Variants in TMEM108 observed in about 807,000 individuals in gnomAD.
TMEM108 encodes cancer/testis antigen 124.
Under a neutral mutation model 35.1 loss-of-function variants are expected in TMEM108, and 12 were observed. That is an observed-to-expected ratio of 0.34 (90% CI 0.22 to 0.55). TMEM108 has a LOEUF of 0.55. TMEM108 is among the 20% of genes least tolerant of loss of function. The pLI, the probability that TMEM108 is intolerant of heterozygous loss-of-function variation, is 0.89. For missense variants in TMEM108, 680 were observed against 753.3 expected (o/e 0.90, Z 1.14); for synonymous variants, 287 against 308.6 (o/e 0.93, Z 0.73).
intron 3 of TMEM108, among the ~76,000 whole-genome samples, chr3:133,320,010 G>A: frequency 6.6e-6 from 1 of 152,196 alleles, no homozygotes; most frequent in Non-Finnish European, 1.5e-5. Flanking sequence ...GCTCATGCCT[G>A]TAATCCCAGC....
intron 2 of TMEM108, among the ~76,000 whole-genome samples, chr3:133,192,469 G>A (rs1945512852): frequency 6.6e-6 from 1 of 152,150 alleles, no homozygotes; most frequent in African/African-American, 2.4e-5. Context: ...AGAAAAGAGT[G>A]TGGAGCCTAG....
intron 2 of TMEM108, among the ~76,000 whole-genome samples, chr3:133,199,046 A>G (rs193109921): frequency 1.9e-4 from 29 of 152,252 alleles, no homozygotes; most frequent in Admixed American, 1.1e-3. Flanking sequence ...TTGATCTTCA[A>G]TCACTGATAC....
chr3:133,174,237 CT>C (rs1447621609), intron 2 of TMEM108, among the ~76,000 whole-genome samples: 2 of 152,260 alleles, frequency 1.3e-5, no homozygotes, highest in African/African-American at 4.8e-5. Context: ...CCTCTGTAGA[CT>C]CCACGTCTGG....
intron 4 of TMEM108, 30 bp downstream of exon 4, chr3:133,381,191 T>C: frequency 6.4e-7 from 1 of 1,550,868 alleles, no homozygotes; most frequent in Non-Finnish European, 8.8e-7. Flanking sequence ...ACCCATCCTC[T>C]CCCTCTACCA....
At chr3:133,093,280 C>T (rs756527426) in intron 2 of TMEM108, among the ~76,000 whole-genome samples, 9 of 152,144 alleles carry the variant, frequency 5.9e-5, no homozygotes, top group East Asian at 5.8e-4. Context: ...CGTGAGCCAC[C>T]GCGCCCGGTC....
chr3:133,299,324 T>C (rs1262172650), intron 3 of TMEM108, among the ~76,000 whole-genome samples: 2 of 152,192 alleles, frequency 1.3e-5, no homozygotes, highest in Non-Finnish European at 2.9e-5. Context: ...GAGCTTAGTC[T>C]TTCTCCTTCA....
At chr3:133,106,824 A>G (rs1343683383) in intron 2 of TMEM108, among the ~76,000 whole-genome samples, 3 of 152,174 alleles carry the variant, frequency 2.0e-5, no homozygotes, top group Admixed American at 2.0e-4. Context: ...CAACAACATG[A>G]CTATACCTTC....
intron 3 of TMEM108, among the ~76,000 whole-genome samples, chr3:133,238,696 C>T (rs1314295995): frequency 1.3e-5 from 2 of 152,118 alleles, no homozygotes; most frequent in Admixed American, 6.5e-5. Context: ...GAAGCTGGCT[C>T]ATGTATTTTG....
At chr3:133,111,102 C>T (rs1380186784) in intron 2 of TMEM108, among the ~76,000 whole-genome samples, 1 of 152,104 alleles carries the variant, frequency 6.6e-6, no homozygotes, top group East Asian at 1.9e-4. Flanking sequence ...TTCCATAGTG[C>T]CCAGACAACC....
chr3:133,074,777 C>G (rs952416236), intron 2 of TMEM108, among the ~76,000 whole-genome samples: 7 of 152,172 alleles, frequency 4.6e-5, no homozygotes, highest in African/African-American at 1.7e-4. Context: ...GCGTGAGCCA[C>G]TGCACCTGGC....
At chr3:133,272,272 CGTGTGTGTGTGT>C (rs3078833) in intron 3 of TMEM108, among the ~76,000 whole-genome samples, 35 of 137,838 alleles carry the variant, frequency 2.5e-4, no homozygotes, top group Admixed American at 1.6e-3. Flanking sequence ...CATACACGTA[CGTGTGTGTGTGT>C]GTGTGTGTGT....
At chr3:133,057,811 G>A (rs1943489126) in intron 2 of TMEM108, among the ~76,000 whole-genome samples, 1 of 152,116 alleles carries the variant, frequency 6.6e-6, no homozygotes, top group Non-Finnish European at 1.5e-5. Flanking sequence ...TTTTTTGAAT[G>A]GAGAGATTTT....
At chr3:133,311,020 T>C (rs2071121502) in intron 3 of TMEM108, among the ~76,000 whole-genome samples, 1 of 152,192 alleles carries the variant, frequency 6.6e-6, no homozygotes, top group South Asian at 2.1e-4. Flanking sequence ...GGGTTGAAAA[T>C]TCTTTTCTGT....
chr3:133,364,888 G>T (rs146982458), intron 3 of TMEM108, among the ~76,000 whole-genome samples: 6 of 152,076 alleles, frequency 3.9e-5, no homozygotes, highest in African/African-American at 9.7e-5. Context: ...GGATCAGGCA[G>T]GGGGGGAAGT....
intron 3 of TMEM108, among the ~76,000 whole-genome samples, chr3:133,281,273 G>A (rs937630858): frequency 3.3e-5 from 5 of 152,184 alleles, no homozygotes; most frequent in African/African-American, 4.8e-5. Flanking sequence ...GGGAAAATGA[G>A]AGCCAGGGCC....
chr3:133,265,899 A>G (rs1307701722), intron 3 of TMEM108, among the ~76,000 whole-genome samples: 1 of 152,218 alleles, frequency 6.6e-6, no homozygotes, highest in Non-Finnish European at 1.5e-5. Context: ...GTTTTTAAAA[A>G]GTTTACCAAA....
chr3:133,156,698 A>G (rs1944886662), intron 2 of TMEM108, among the ~76,000 whole-genome samples: 1 of 152,166 alleles, frequency 6.6e-6, no homozygotes, highest in Non-Finnish European at 1.5e-5. Context: ...AAAAATGTCC[A>G]CCTCTGTGCC....
rs145785530 is a variant in TMEM108, at chr3:133,116,030, A to G, written c.-47+70010A>G. Among the ~76,000 whole-genome samples the G allele has an allele frequency of 3.3e-3, 509 of 152,342 alleles. 3 individuals are homozygous for G. Among genetic ancestry groups the G allele is most frequent in the African/African-American group, 0.012 (482 of 41,572 alleles). The stretch of plus-strand genomic sequence containing the variant: ...CAAAGGATTTGAACAGGCAGTTTAC[A>G]TAGCAGGAAACTTCACAGGCCATCA... On this transcript the variant is annotated intron_variant, in intron 2 of 5. Coordinates refer to ENST00000321871, the MANE Select transcript of TMEM108 (RefSeq NM_023943.4).
At chr3:133,089,416 GA>G (rs1270269718) in intron 2 of TMEM108, among the ~76,000 whole-genome samples, 2 of 152,152 alleles carry the variant, frequency 1.3e-5, no homozygotes, top group Non-Finnish European at 2.9e-5. Context: ...CATGTCCTTT[GA>G]AAGAAAATGC....
Sources: allele counts gnomAD v4.1 joint callset (sites outside exome capture counted in the v4.1 genomes callset), GRCh38; gene constraint gnomAD v4.1.1; transcripts MANE v1.5; gene names NCBI Gene and HGNC (gene_info 2026-07-23, HGNC 2026-07-21).